The following SEMA4D variants were observed in gnomAD, a reference collection of about 807,000 sequenced individuals.
SEMA4D encodes the protein semaphorin-4D.
Under a neutral mutation model 74.8 loss-of-function variants are expected in SEMA4D, and 22 were observed. The observed-to-expected ratio is 0.29, with a 90% CI of 0.21 to 0.42. SEMA4D has a LOEUF of 0.42. Among genes scored for constraint, SEMA4D ranks in the 10% least tolerant of loss-of-function variants. SEMA4D has a pLI of 1.00. For missense variants in SEMA4D, 937 were observed against 1,118.4 expected (o/e 0.84, Z 2.31); for synonymous variants, 445 against 463.7 (o/e 0.96, Z 0.52).
intron 1 of SEMA4D, among the ~76,000 whole-genome samples, chr9:89,495,141 C>T (rs1188527306): frequency 6.6e-6 from 1 of 152,118 alleles, no homozygotes; most frequent in Admixed American, 6.5e-5. Context: ...CCTGCCTGCC[C>T]CCCACTGAGG....
chr9:89,393,734 T>C, intron 6 of SEMA4D, 79 bp from the exon 7 acceptor site: 1 of 1,174,638 alleles, frequency 8.5e-7, no homozygotes, highest in East Asian at 2.3e-5. Context: ...ACCACTTCAT[T>C]TTACAAATTT....
chr9:89,470,654 A>G (rs915394826), intron 1 of SEMA4D, among the ~76,000 whole-genome samples: 68 of 152,214 alleles, frequency 4.5e-4, no homozygotes, highest in African/African-American at 1.5e-3. Flanking sequence ...TTCATAGAAA[A>G]GCTCATACAC....
intron 13 of SEMA4D, among the ~76,000 whole-genome samples, chr9:89,382,734 G>A (rs184243841): frequency 3.3e-5 from 5 of 152,342 alleles, no homozygotes; most frequent in African/African-American, 1.2e-4. Context: ...GCCAAGCTGG[G>A]TAACTTCCAA....
At chr9:89,428,858 G>C (rs1431526933) in intron 2 of SEMA4D, among the ~76,000 whole-genome samples, 4 of 152,230 alleles carry the variant, frequency 2.6e-5, no homozygotes, top group African/African-American at 9.6e-5. Context: ...TCTCCACCTT[G>C]TCAGCAGCCA....
chr9:89,407,894 C>G (rs1239430431), intron 2 of SEMA4D, among the ~76,000 whole-genome samples: 2 of 152,244 alleles, frequency 1.3e-5, no homozygotes, highest in Admixed American at 1.3e-4. Context: ...TCCCACTGCA[C>G]AGTCTCATTC....
chr9:89,405,121 C>A (rs1843055513), intron 3 of SEMA4D, among the ~76,000 whole-genome samples: 1 of 151,156 alleles, frequency 6.6e-6, no homozygotes. Flanking sequence ...GGGTCCCCAT[C>A]CCATCCCCAG....
In SEMA4D at chr9:89,461,700, C is replaced by CTCTTTTTTTTTTTTTTT. The variant is rs71281350; in HGVS notation, c.-309-5748_-309-5747insAAAAAAAAAAAAAAAGA. ...GGGCCAATGTGTATTTCTTTTTTCTCTTTTTTTTTTTTTTTTTTTGGAGAC... is the reference window on the plus strand; with the variant it reads ...GGGCCAATGTGTATTTCTTTTTTCTCTCTTTTTTTTTTTTTTTTTTTTTTTTTTTTTTTTTTGGAGAC... On this transcript the variant is annotated intron_variant, in intron 1 of 15. Transcript: ENST00000422704. Among the ~76,000 whole-genome samples the CTCTTTTTTTTTTTTTTT allele has an allele frequency of 2.8e-4, 29 of 103,646 alleles. 1 individual carries two copies. The highest frequency in any genetic ancestry group is 3.2e-4 in the Admixed American group (3 of 9,422). 68.0% of individuals were successfully genotyped at this position (103,646 alleles called of 152,430 possible). A position where few individuals can be genotyped will look rare whatever the true frequency, so the allele number is the denominator to read the frequency against.
chr9:89,425,359 G>A (rs1847879156), intron 2 of SEMA4D, among the ~76,000 whole-genome samples: 5 of 152,164 alleles, frequency 3.3e-5, no homozygotes, highest in Admixed American at 3.3e-4. Context: ...CTTCATTCAC[G>A]GGGTCTCCTG....
At chr9:89,452,785 G>A (rs552176621) in intron 2 of SEMA4D, among the ~76,000 whole-genome samples, 114 of 152,328 alleles carry the variant, frequency 7.5e-4, no homozygotes, top group Admixed American at 2.7e-3. Flanking sequence ...TGGGATGCAC[G>A]GCTTGACCAT....
At chr9:89,389,397 T>C (rs1436933535) in intron 9 of SEMA4D, among the ~76,000 whole-genome samples, 2 of 152,206 alleles carry the variant, frequency 1.3e-5, no homozygotes, top group African/African-American at 4.8e-5. Flanking sequence ...CCAAGGCCCC[T>C]GGCATTGTGT....
At chr9:89,413,690 T>A (rs991215052) in intron 2 of SEMA4D, among the ~76,000 whole-genome samples, 19 of 152,270 alleles carry the variant, frequency 1.2e-4, no homozygotes, top group Admixed American at 7.8e-4. Flanking sequence ...TGCATGTGTA[T>A]ACATATGTGT....
intron 2 of SEMA4D, among the ~76,000 whole-genome samples, chr9:89,455,588 G>A (rs1855743635): frequency 6.6e-6 from 1 of 152,124 alleles, no homozygotes; most frequent in Admixed American, 6.5e-5. Context: ...TGGGTACTGG[G>A]CTCACCACCA....
chr9:89,494,117 A>T (rs547478620), intron 1 of SEMA4D, among the ~76,000 whole-genome samples: 25 of 152,220 alleles, frequency 1.6e-4, no homozygotes, highest in Non-Finnish European at 2.8e-4. Flanking sequence ...ACGTGTAGAA[A>T]CATGAACTTC....
intron 17 of SEMA4D, chr9:89,363,634 A>G (rs1440655374): frequency 1.9e-6 from 3 of 1,591,830 alleles, no homozygotes; most frequent in Non-Finnish European, 2.6e-6. Context: ...ACCCAAACCC[A>G]GAATGCCACC....
At chr9:89,449,720 C>G in intron 2 of SEMA4D, 6 of 1,513,770 alleles carry the variant, frequency 4.0e-6, no homozygotes, top group Non-Finnish European at 5.5e-6. Context: ...AAGGTGATGC[C>G]GTGATTATGC....
chr9:89,416,722 T>C (rs897733418), intron 2 of SEMA4D, among the ~76,000 whole-genome samples: 2 of 152,220 alleles, frequency 1.3e-5, no homozygotes, highest in Non-Finnish European at 2.9e-5. Flanking sequence ...TTTTCTTTGT[T>C]TTTTAAAAAA....
At chr9:89,418,133 G>A (rs1846104177) in intron 2 of SEMA4D, 2 of 983,338 alleles carry the variant, frequency 2.0e-6, no homozygotes, top group Non-Finnish European at 2.4e-6. Flanking sequence ...GAAAATAATG[G>A]GAAACAAGGC....
At chr9:89,472,968 C>T (rs1588135494) in intron 1 of SEMA4D, among the ~76,000 whole-genome samples, 1 of 151,994 alleles carries the variant, frequency 6.6e-6, no homozygotes, top group African/African-American at 2.4e-5. Context: ...TGGTGGCACA[C>T]GCCTGTGGTC....
intron 2 of SEMA4D, among the ~76,000 whole-genome samples, chr9:89,444,748 C>G (rs867849943): frequency 6.6e-6 from 1 of 151,998 alleles, no homozygotes; most frequent in Admixed American, 6.5e-5. Context: ...TCTTAACAAA[C>G]GCTGGTACCC....
Sources: allele counts gnomAD v4.1 joint callset (sites outside exome capture counted in the v4.1 genomes callset), GRCh38; gene constraint gnomAD v4.1.1; transcripts MANE v1.5; gene names NCBI Gene and HGNC (gene_info 2026-07-23, HGNC 2026-07-21).